Variants in RANBP9 observed in about 807,000 individuals in gnomAD.
RANBP9 encodes RAN binding protein 9.
In RANBP9, 15 loss-of-function variants were observed where a neutral mutation model predicts 84.3. The observed-to-expected ratio is 0.18, with a 90% CI of 0.12 to 0.27. RANBP9 has a LOEUF of 0.27. Among genes scored for constraint, RANBP9 ranks in the 10% least tolerant of loss-of-function variants. The pLI, the probability that RANBP9 is intolerant of heterozygous loss-of-function variation, is 1.00. For synonymous variants in RANBP9, 392 were observed against 349.6 expected (o/e 1.12, Z -1.35); for missense variants, 809 against 912.8 (o/e 0.89, Z 1.46).
Position 13,657,215 on chromosome 6 carries a change from T to C in RANBP9, c.798A>G (p.Gly266=), listed in dbSNP as rs2127770389. 6.2e-7 allele frequency: 1 copy of C among 1,613,468 alleles called. No individual in the cohort carries two copies. The highest frequency in any genetic ancestry group is 2.2e-5 in the East Asian group (1 of 44,814). ...GDDGHSFCSS[G]TGQPYGPTFT... The stretch of plus-strand genomic sequence containing the variant: ...AAGTTGGTCCATAAGGTTGTCCAGT[T>C]CCAGAAGAACAAAACGAATGTCCAT... The change falls in exon 4 of 14, where the codon GGA becomes GGG. Residue 266 remains glycine (G), a synonymous_variant. Coordinates refer to ENST00000011619, the MANE Select transcript of RANBP9 (RefSeq NM_005493.3).
At chr6:13,707,797 T>A (rs1443057104) in intron 1 of RANBP9, among the ~76,000 whole-genome samples, 1 of 152,094 alleles carries the variant, frequency 6.6e-6, no homozygotes, top group Non-Finnish European at 1.5e-5. Context: ...TTGAAACATT[T>A]AAACTAAGTC....
intron 1 of RANBP9, among the ~76,000 whole-genome samples, chr6:13,709,347 C>T (rs1410803314): frequency 1.3e-5 from 2 of 152,190 alleles, no homozygotes; most frequent in East Asian, 1.9e-4. Context: ...CAAACAACTG[C>T]AGAACTCAGG....
intron 6 of RANBP9, among the ~76,000 whole-genome samples, chr6:13,643,273 C>T (rs928969883): frequency 1.3e-5 from 2 of 152,120 alleles, no homozygotes; most frequent in African/African-American, 4.8e-5. Flanking sequence ...TAAAAACGTA[C>T]CAGGTAGTCA....
Position 13,642,608 on chromosome 6 carries a change from GAAACA to G in RANBP9, c.1113-22_1113-18del. 1.3e-6 allele frequency: 2 copies of G among 1,492,240 alleles called. No individual in the cohort carries two copies. The highest frequency in any genetic ancestry group is 1.9e-6 in the Non-Finnish European group (2 of 1,077,178). 92.4% of individuals were successfully genotyped at this position (1,492,240 alleles called of 1,614,324 possible). A position where few individuals can be genotyped will look rare whatever the true frequency, so the allele number is the denominator to read the frequency against. Reference sequence around the variant, plus strand: ...GAAACCATTCTTAAAATAAAAAGAAGAAACATACATCTTTTAGTGAAGAGAATACA... The same window carrying G: ...GAAACCATTCTTAAAATAAAAAGAAGTACATCTTTTAGTGAAGAGAATACA... On this transcript the variant is annotated intron_variant, in intron 6 of 13. Transcript: ENST00000011619.
At position 13,711,607 on chromosome 6, in the gene RANBP9, TCCGCCCGCCCCGGAAGCAGGCGGCGGG is replaced by T. The variant is rs1377729618; in HGVS notation, c.-129_-103del. The T allele has an allele frequency of 1.3e-5, 14 of 1,095,192 alleles. No homozygotes were observed. Among genetic ancestry groups the T allele is most frequent in the Non-Finnish European group, 1.5e-5 (13 of 880,052 alleles). 67.8% of individuals were successfully genotyped at this position (1,095,192 alleles called of 1,614,324 possible). A position where few individuals can be genotyped will look rare whatever the true frequency, so the allele number is the denominator to read the frequency against. ...GCGGCCGCCGGCACCAGGCGCCCAGTCCGCCCGCCCCGGAAGCAGGCGGCGGGCCGCGCGCCCAGGGAGACCGCGGCG... is the reference window on the plus strand; with the variant it reads ...GCGGCCGCCGGCACCAGGCGCCCAGTCCGCGCGCCCAGGGAGACCGCGGCG... On this transcript the variant is annotated 5_prime_UTR_variant, in exon 1 of 14. Coordinates refer to ENST00000011619, the MANE Select transcript of RANBP9 (RefSeq NM_005493.3).
At chr6:13,700,473 T>C (rs1457945725) in intron 1 of RANBP9, among the ~76,000 whole-genome samples, 1 of 133,412 alleles carries the variant, frequency 7.5e-6, no homozygotes, top group Non-Finnish European at 1.6e-5. Flanking sequence ...CCTCCACCTT[T>C]CCTTCTTAGC....
At chr6:13,644,470 G>C in intron 6 of RANBP9, 75 bp downstream of exon 6, 1 of 1,448,576 alleles carries the variant, frequency 6.9e-7, no homozygotes, top group South Asian at 1.3e-5. Flanking sequence ...AAAAGCTTCT[G>C]TGGATACCAA....
At chr6:13,637,773 C>T in intron 10 of RANBP9, 35 bp downstream of exon 10, 1 of 1,521,798 alleles carries the variant, frequency 6.6e-7, no homozygotes, top group Non-Finnish European at 8.8e-7. Flanking sequence ...AACTAGGTTG[C>T]TTATATTAGT....
Position 13,634,456 on chromosome 6 carries a change from T to A in RANBP9, c.1770A>T (p.Glu590Asp), listed in dbSNP as rs146194250. The stretch of plus-strand genomic sequence containing the variant: ...CCATTTCGGTGTCACAATCTTCCAT[T>A]TCGTGGTCATGTTTAGAGCTACCAT... ...FLNGSSKHDH[E>D]MEDCDTEMEV... The change falls in exon 11 of 14, where the codon GAA becomes GAT. Residue 590 changes from glutamate to aspartate, a missense_variant. Physicochemically the swap from Glu to Asp is conservative, Grantham distance 45. Coordinates refer to ENST00000011619, the MANE Select transcript of RANBP9 (RefSeq NM_005493.3). The A allele has an allele frequency of 3.1e-6, 5 of 1,613,570 alleles. No homozygotes were observed. In the African/African-American group the frequency reaches 6.7e-5, roughly 22 times the overall value.
At chr6:13,641,123 A>G in intron 8 of RANBP9, 76 bp downstream of exon 8, 2 of 974,222 alleles carry the variant, frequency 2.1e-6, no homozygotes, top group Middle Eastern at 6.8e-4. Flanking sequence ...CAAAAGCACG[A>G]AAATGTCTTT....
At chr6:13,696,938 T>G (rs754774794) in intron 1 of RANBP9, 42 bp from the exon 2 acceptor site, 2 of 1,483,228 alleles carry the variant, frequency 1.3e-6, no homozygotes, top group South Asian at 1.2e-5. Flanking sequence ...ACATGAGATA[T>G]TCACTGAAAG....
chr6:13,632,448 A>T lies in RANBP9; in HGVS notation c.1869T>A (p.Phe623Leu), dbSNP rs781120425. The stretch of plus-strand genomic sequence containing the variant: ...CACTCATTGCTTGCAGCTCTCGTCC[A>T]AAGTGGATCATTCTTTCTATGGCGG... ...SQAAIERMIH[F>L]GRELQAMSEQ... is the part of the protein sequence containing the mutation. The change falls in exon 12 of 14, where the codon TTT becomes TTA. Residue 623 changes from phenylalanine to leucine, a missense_variant. Physicochemically the swap from Phe to Leu is conservative, Grantham distance 22. This residue lies in a region of RANBP9 where 233 missense variants were observed against 234.4 expected (regional missense o/e 0.99). Transcript: ENST00000011619. 1.2e-6 allele frequency: 2 copies of T among 1,613,990 alleles called. No individual in the cohort carries two copies. Among genetic ancestry groups the T allele is most frequent in the Non-Finnish European group, 1.7e-6 (2 of 1,179,932 alleles).
chr6:13,651,661 A>C (rs2127768647), intron 5 of RANBP9, among the ~76,000 whole-genome samples: 1 of 151,846 alleles, frequency 6.6e-6, no homozygotes, highest in Middle Eastern at 3.4e-3. Context: ...CGGCCTCCCT[A>C]AGTGCTGGGA....
chr6:13,641,740 T>C (rs890536093), intron 7 of RANBP9, among the ~76,000 whole-genome samples: 4 of 152,170 alleles, frequency 2.6e-5, no homozygotes, highest in African/African-American at 4.8e-5. Context: ...ATATGTTAAA[T>C]TAGATGATAA....
chr6:13,665,740 C>T (rs537156879), intron 2 of RANBP9, among the ~76,000 whole-genome samples: 4 of 152,150 alleles, frequency 2.6e-5, no homozygotes, highest in Admixed American at 6.5e-5. Flanking sequence ...CATCAACAAG[C>T]GAACAGATAT....
chr6:13,675,638 A>T (rs1347576133), intron 2 of RANBP9, among the ~76,000 whole-genome samples: 2 of 151,862 alleles, frequency 1.3e-5, no homozygotes, highest in Admixed American at 1.3e-4. Context: ...ATGAAATTTT[A>T]AAAAATAAAA....
intron 2 of RANBP9, among the ~76,000 whole-genome samples, chr6:13,682,316 A>G (rs535917195): frequency 2.4e-3 from 372 of 152,110 alleles, no homozygotes; most frequent in Non-Finnish European, 4.3e-3. Context: ...AGAAAAAAGA[A>G]TTACTTCAAG....
chr6:13,659,547 C>T (rs187341155), intron 2 of RANBP9, among the ~76,000 whole-genome samples: 1 of 152,104 alleles, frequency 6.6e-6, no homozygotes, highest in Admixed American at 6.5e-5. Context: ...ACAACAAAAC[C>T]TGATAAATAT....
At chr6:13,675,714 A>G (rs1055473803) in intron 2 of RANBP9, among the ~76,000 whole-genome samples, 1 of 151,612 alleles carries the variant, frequency 6.6e-6, no homozygotes, top group Non-Finnish European at 1.5e-5. Context: ...AAATTGATAA[A>G]CCTCTAGCCA....
Sources: gnomAD v4.1 joint callset for allele counts (sites outside exome capture counted in the v4.1 genomes callset) on GRCh38, gnomAD v4.1.1 for gene constraint, gnomAD v4.1.1 regional missense constraint, MANE v1.5 for transcripts, NCBI Gene and HGNC (gene_info 2026-07-23, HGNC 2026-07-21) for gene names.